The following NUP214 variants were observed in gnomAD, a reference collection of about 807,000 sequenced individuals.
NUP214 encodes the protein nuclear pore complex protein Nup214.
In NUP214, 79 loss-of-function variants were observed where a neutral mutation model predicts 196.2. The observed-to-expected ratio is 0.40, with a 90% CI of 0.34 to 0.49. The LOEUF is 0.49. Among genes scored for constraint, NUP214 ranks in the 20% least tolerant of loss-of-function variants. NUP214 has a pLI of 0.58. For missense variants in NUP214, 2,468 were observed against 2,539.0 expected (o/e 0.97, Z 0.60); for synonymous variants, 1,020 against 990.5 (o/e 1.03, Z -0.56).
At chr9:131,148,041 G>C (rs1832135849) in intron 14 of NUP214, among the ~76,000 whole-genome samples, 1 of 152,230 alleles carries the variant, frequency 6.6e-6, no homozygotes, top group Non-Finnish European at 1.5e-5. Flanking sequence ...GCAAAAATTA[G>C]CCGGGCGTGG....
At chr9:131,184,735 A>G (rs1159808533) in intron 24 of NUP214, among the ~76,000 whole-genome samples, 1 of 152,226 alleles carries the variant, frequency 6.6e-6, no homozygotes, top group African/African-American at 2.4e-5. Context: ...CAGGAAATAC[A>G]ATTTGCTTTA....
intron 25 of NUP214, 87 bp from the exon 26 acceptor site, chr9:131,188,966 A>G: frequency 1.1e-6 from 1 of 931,218 alleles, no homozygotes. Flanking sequence ...TTTAAATTAT[A>G]TTTTTGTGTT....
In NUP214 at chr9:131,151,829, G is replaced by A; in HGVS notation, c.2371G>A (p.Asp791Asn). The A allele has an allele frequency of 6.2e-7, 1 of 1,613,594 alleles. No individual in the cohort carries two copies. Among genetic ancestry groups the A allele is most frequent in the Non-Finnish European group, 8.5e-7 (1 of 1,179,912 alleles). ...EAREQNERNR[D>N]SGYLHLLYKR... ...CAGAGAACAAAATGAAAGAAATCGTGACTCTGGTTATCTGCATTTGCTTTA... is the reference window on the plus strand; with the variant it reads ...CAGAGAACAAAATGAAAGAAATCGTAACTCTGGTTATCTGCATTTGCTTTA... Residue 791 changes from aspartate to asparagine, a missense_variant, in exon 17 of 36, where the codon GAC (aspartate) becomes AAC (asparagine). Physicochemically the swap from Asp to Asn is conservative, Grantham distance 23. Coordinates refer to ENST00000359428, the MANE Select transcript of NUP214 (RefSeq NM_005085.4).
intron 24 of NUP214, among the ~76,000 whole-genome samples, chr9:131,181,850 G>T (rs1162889124): frequency 6.6e-6 from 1 of 152,080 alleles, no homozygotes; most frequent in East Asian, 1.9e-4. Flanking sequence ...TTTGTTGCTT[G>T]TGCTTTAGGT....
chr9:131,142,886 C>T (rs1262367356), intron 11 of NUP214, among the ~76,000 whole-genome samples: 1 of 152,160 alleles, frequency 6.6e-6, no homozygotes, highest in Non-Finnish European at 1.5e-5. Flanking sequence ...TAATTTGGAA[C>T]AACCAAGTCC....
chr9:131,163,152 C>G lies in NUP214; in HGVS notation c.2702C>G (p.Pro901Arg). Residue 901 changes from proline to arginine, a missense_variant, in exon 19 of 36, where the codon CCT becomes CGT. By Grantham distance (103) the Pro-to-Arg change is moderately radical (BLOSUM62 -2). This residue lies in a region of NUP214 where 1,801 missense variants were observed against 1,779.4 expected (regional missense o/e 1.01). Coordinates refer to ENST00000359428, the MANE Select transcript of NUP214 (RefSeq NM_005085.4). ...CTGTGGAGCCTGTCCTCGGCTGTTC[C>G]TTCCCAGAGCAGCATTCACAGGTGT... ...TSLWSLSSAV[P>R]SQSSIHSFDS... 1.9e-6 allele frequency: 3 copies of G among 1,612,224 alleles called. No individual in the cohort carries two copies. Among genetic ancestry groups the G allele is most frequent in the Non-Finnish European group, 1.7e-6 (2 of 1,179,466 alleles).
In NUP214 at chr9:131,233,700, G is replaced by T; in HGVS notation, c.*213G>T. ...TCCCACTATTAAACAGTCTGTTTCC[G>T]TACAGAACGTATGTGGGTTTTTTCA... On this transcript the variant is annotated 3_prime_UTR_variant, in exon 36 of 36. Transcript: ENST00000359428. The T allele has an allele frequency of 6.5e-6, 4 of 612,188 alleles. No homozygotes were observed. The highest frequency in any genetic ancestry group is 9.0e-6 in the Non-Finnish European group (3 of 332,780). The allele number at this position is 612,188 out of a possible 1,614,324, so 37.9% of individuals were successfully genotyped here.
intron 21 of NUP214, chr9:131,167,044 T>A (rs1302689881): frequency 6.6e-6 from 1 of 152,132 alleles, no homozygotes; most frequent in Admixed American, 6.6e-5. Context: ...TCATATACAG[T>A]TGATACTCAA....
chr9:131,187,251 A>AGAC, intron 24 of NUP214, 38 bp from the exon 25 acceptor site: 1 of 1,566,372 alleles, frequency 6.4e-7, no homozygotes, highest in Non-Finnish European at 8.8e-7. Flanking sequence ...TTACCTAGTC[A>AGAC]TGCCTTTCTC....
chr9:131,193,972 C>G (rs1833700673), intron 27 of NUP214: 1 of 151,268 alleles, frequency 6.6e-6, no homozygotes, highest in African/African-American at 2.4e-5. Context: ...TTTAAAATAA[C>G]CCAGAAAAGG....
intron 32 of NUP214, among the ~76,000 whole-genome samples, chr9:131,227,846 C>T (rs1360240391): frequency 2.0e-5 from 3 of 152,090 alleles, no homozygotes; most frequent in Non-Finnish European, 2.9e-5. Flanking sequence ...TCTGCTCACA[C>T]GGCTTCACAG....
At position 131,227,530 on chromosome 9, in the gene NUP214, A is replaced by T. The variant is rs139088218; in HGVS notation, c.5903-630A>T. ...CTGAGCGAGAGAAAGGGAGACTCTG[A>T]TGAGAGACGTAGGAGCCATCAGGCT... On this transcript the variant is annotated intron_variant, in intron 32 of 35. Transcript: ENST00000359428. Among the ~76,000 whole-genome samples, 597 of 151,974 alleles carry T rather than the reference A, an allele frequency of 3.9e-3. 6 individuals carry two copies. Among genetic ancestry groups the T allele is most frequent in the African/African-American group, 0.014 (583 of 41,452 alleles).
rs142450352 is a variant in NUP214, at chr9:131,132,115, C to CTTTTTTTTTTTTTTT, written c.664-478_664-477insTTTTTTTTTTTTTTT. On this transcript the variant is annotated intron_variant, in intron 5 of 35. Coordinates refer to ENST00000359428, the MANE Select transcript of NUP214 (RefSeq NM_005085.4). Reference sequence around the variant, plus strand: ...TGCGTTCATGCGTTTCTTTTCTTTTCTTTCTTTTTTTTTTTTTTTTGGAGA... The same window carrying CTTTTTTTTTTTTTTT: ...TGCGTTCATGCGTTTCTTTTCTTTTCTTTTTTTTTTTTTTTTTTCTTTTTTTTTTTTTTTTGGAGA... 2.8e-5 allele frequency among the ~76,000 whole-genome samples: 3 copies of CTTTTTTTTTTTTTTT among 108,180 alleles called. 1 individual carries two copies. Among genetic ancestry groups the CTTTTTTTTTTTTTTT allele is most frequent in the African/African-American group, 3.5e-5 (1 of 28,638 alleles). The allele number at this position is 108,180 out of a possible 152,430, so 71.0% of individuals were successfully genotyped here.
At chr9:131,126,801 C>T (rs887120479) in intron 1 of NUP214, among the ~76,000 whole-genome samples, 27 of 152,148 alleles carry the variant, frequency 1.8e-4, no homozygotes, top group African/African-American at 6.3e-4. Flanking sequence ...CCGCCCTCCT[C>T]TGGCTCCCAA....
chr9:131,140,886 C>T (rs1299107914), intron 11 of NUP214, among the ~76,000 whole-genome samples, 176 bp downstream of exon 11: 2 of 152,150 alleles, frequency 1.3e-5, no homozygotes, highest in Non-Finnish European at 2.9e-5. Flanking sequence ...TTGCCTTCCC[C>T]TACCCTCAAG....
intron 26 of NUP214, 106 bp from the exon 27 acceptor site, chr9:131,192,102 A>G (rs1315136620): frequency 2.8e-6 from 2 of 709,390 alleles, no homozygotes; most frequent in Non-Finnish European, 2.2e-6. Flanking sequence ...GGTGCTAAGC[A>G]GCACCTCACA....
rs753842253 is a variant in NUP214 at position 131,215,270 on chromosome 9, G to T, written c.5651G>T (p.Gly1884Val). 17 of 1,606,496 alleles carry T rather than the reference G, an allele frequency of 1.1e-5. No homozygotes were observed. In the East Asian group the frequency reaches 3.6e-4, roughly 34 times the overall value. The part of the protein sequence containing the change: ...FGSGNTGRGG[G>V]FFSGLGGKPS... The stretch of plus-strand genomic sequence containing the variant: ...TCTGGAAACACTGGAAGAGGGGGAG[G>T]TTTCTTCAGTGGCCTTGGAGGAAAA... The change falls in exon 31 of 36, where the codon GGT becomes GTT. Residue 1884 changes from glycine (G) to valine (V), a missense_variant. Physicochemically the swap from Gly to Val is moderately radical, Grantham distance 109. Around this residue, in one of 5 missense-constraint regions of NUP214, gnomAD observed 262 missense variants for 296.5 expected, o/e 0.88. Transcript: ENST00000359428.
chr9:131,132,381 T>C (rs1831583528), intron 5 of NUP214, among the ~76,000 whole-genome samples: 1 of 152,112 alleles, frequency 6.6e-6, no homozygotes, highest in Non-Finnish European at 1.5e-5. Context: ...CCCAAAGTGT[T>C]GAGATTACAG....
chr9:131,163,184 G>C lies in NUP214; in HGVS notation c.2723+11G>C. On this transcript the variant is annotated intron_variant, in intron 19 of 35. Transcript: ENST00000359428. ...GAGCAGCATTCACAGGTGTGGAGAG[G>C]ACTTGCACTCAATAAATATGGGTGA... is the stretch of plus-strand genomic sequence containing the variant. The C allele has an allele frequency of 6.3e-7, 1 of 1,599,168 alleles. No homozygotes were observed.
Sources: allele counts gnomAD v4.1 joint callset (sites outside exome capture counted in the v4.1 genomes callset), GRCh38; gene constraint gnomAD v4.1.1; regional missense constraint gnomAD v4.1.1; transcripts MANE v1.5; gene names NCBI Gene and HGNC (gene_info 2026-07-23, HGNC 2026-07-21).